ALOX5: variants seen among roughly 807,000 people sequenced by gnomAD.
ALOX5 encodes the protein arachidonate 5-lipoxygenase.
A neutral mutation model predicts 87.9 loss-of-function variants in ALOX5; 64 were observed. The ratio of observed to expected loss-of-function variants is 0.73; its 90% confidence interval spans 0.60 to 0.90. The LOEUF (loss-of-function observed/expected upper bound fraction) is 0.90. Among genes scored for constraint, ALOX5 ranks in the 40% least tolerant of loss-of-function variants. ALOX5 has a pLI of 0.00. For missense variants in ALOX5, 822 were observed against 907.5 expected (o/e 0.91, Z 1.21); for synonymous variants, 388 against 355.1 (o/e 1.09, Z -1.04).
At chr10:45,377,151 A>G (rs1839645343) in intron 1 of ALOX5, among the ~76,000 whole-genome samples, 1 of 152,196 alleles carries the variant, frequency 6.6e-6, no homozygotes, top group Non-Finnish European at 1.5e-5. Flanking sequence ...AGTGTAGAAA[A>G]GTGTTATAAT....
intron 3 of ALOX5, among the ~76,000 whole-genome samples, chr10:45,405,400 C>T (rs1353714324): frequency 2.6e-5 from 4 of 152,176 alleles, no homozygotes; most frequent in African/African-American, 4.8e-5. Context: ...AGTCTGCACT[C>T]CCCTGACCAC....
rs534871263 is a variant in ALOX5, at chr10:45,444,589, C to G, written c.1845+303C>G. 77 of 400,654 alleles carry G rather than the reference C, an allele frequency of 1.9e-4. No individual in the cohort carries two copies. The Middle Eastern group carries it at 3.2e-3, about 17-fold the overall frequency. The allele number at this position is 400,654 out of a possible 1,614,324, so 24.8% of individuals were successfully genotyped here. A position where few individuals can be genotyped will look rare whatever the true frequency, so the allele number is the denominator to read the frequency against. On this transcript the variant is annotated intron_variant, in intron 13 of 13. Coordinates refer to ENST00000374391, the MANE Select transcript of ALOX5 (RefSeq NM_000698.5). Reference sequence around the variant, plus strand: ...AAAGTTCTTGCACATGTGTTTTACCCTGGTACTCCAGAGGGAATGACCAAG... The same window carrying G: ...AAAGTTCTTGCACATGTGTTTTACCGTGGTACTCCAGAGGGAATGACCAAG...
intron 13 of ALOX5, 42 bp downstream of exon 13, chr10:45,444,328 G>A (rs1189792269): frequency 4.0e-6 from 6 of 1,514,362 alleles, no homozygotes; most frequent in Non-Finnish European, 5.3e-6. Context: ...GGTCACCCCA[G>A]GTTAAGCGGT....
intron 3 of ALOX5, among the ~76,000 whole-genome samples, chr10:45,407,821 G>T (rs1048099714): frequency 1.3e-5 from 2 of 152,100 alleles, no homozygotes; most frequent in Non-Finnish European, 2.9e-5. Flanking sequence ...GCATTGCCAT[G>T]GTGAAATTTT....
In ALOX5 at chr10:45,425,121, C is replaced by A; in HGVS notation, c.823C>A (p.Gln275Lys). The change falls in exon 6 of 14, where the codon CAG becomes AAG. Residue 275 changes from glutamine (Q) to lysine (K), a missense_variant. Gln to Lys is a moderately conservative substitution (Grantham distance 53). Transcript: ENST00000374391. This position sits in a 1 kb window ranked among gnomAD's most constrained non-coding sequence, Gnocchi z 4.4. ...CSLERQLSLE[Q>K]EVQQGNIFIV... ...CCTGGAGCGGCAGCTCAGCTTGGAG[C>A]AGGAGGTCCAGGTAGGGGTTGATGG... 1 of 1,613,584 alleles carries A rather than the reference C, an allele frequency of 6.2e-7. No individual in the cohort carries two copies. Among genetic ancestry groups the A allele is most frequent in the African/African-American group, 1.3e-5 (1 of 75,032 alleles).
At chr10:45,395,608 A>T (rs1324567862) in intron 2 of ALOX5, among the ~76,000 whole-genome samples, 6 of 15,402 alleles carry the variant, frequency 3.9e-4, no homozygotes, top group African/African-American at 5.8e-4. Context: ...AGTAGAATTA[A>T]AAAAAAAAAA....
At chr10:45,401,775 T>C (rs1355614547) in intron 3 of ALOX5, among the ~76,000 whole-genome samples, 2 of 152,184 alleles carry the variant, frequency 1.3e-5, no homozygotes, top group Non-Finnish European at 2.9e-5. Flanking sequence ...TGCCCAGATA[T>C]GAAATTACCA....
rs1286447028 is a variant in ALOX5, at chr10:45,425,444, G to A, written c.834+312G>A. Among the ~76,000 whole-genome samples, 1 of 152,184 alleles carries A rather than the reference G, an allele frequency of 6.6e-6. No homozygotes were observed. Among genetic ancestry groups the A allele is most frequent in the African/African-American group, 2.4e-5 (1 of 41,436 alleles). ...CTACCCTTGATTAGGGGCCTGTGGT[G>A]GGACAGGCATTGTGACAGGTGCTTT... On this transcript the variant is annotated intron_variant, in intron 6 of 13. Coordinates refer to ENST00000374391, the MANE Select transcript of ALOX5 (RefSeq NM_000698.5). The surrounding 1 kb of genome is among the most constrained non-coding windows in gnomAD (Gnocchi z 4.4).
chr10:45,403,364 A>G (rs1840768865), intron 3 of ALOX5, among the ~76,000 whole-genome samples: 1 of 152,232 alleles, frequency 6.6e-6, no homozygotes, highest in African/African-American at 2.4e-5. Context: ...TGGCCAATTC[A>G]TAACTTTGGA....
At chr10:45,422,828 G>A (rs986523375) in intron 4 of ALOX5, among the ~76,000 whole-genome samples, 5 of 152,160 alleles carry the variant, frequency 3.3e-5, no homozygotes, top group Non-Finnish European at 7.3e-5. Context: ...TCTCTCACAG[G>A]TCCGGAGGCT....
At chr10:45,394,508 G>A (rs1238938443) in intron 2 of ALOX5, among the ~76,000 whole-genome samples, 1 of 152,198 alleles carries the variant, frequency 6.6e-6, no homozygotes, top group Non-Finnish European at 1.5e-5. Flanking sequence ...AACCCTAGAG[G>A]AAAACCTAGG....
intron 1 of ALOX5, among the ~76,000 whole-genome samples, 168 bp downstream of exon 1, chr10:45,374,597 C>G (rs373253105): frequency 6.6e-6 from 1 of 152,130 alleles, no homozygotes; most frequent in African/African-American, 2.4e-5. Context: ...TGGGGCGTGC[C>G]CTGGGCTCCC....
chr10:45,396,386 G>A (rs71494779), intron 3 of ALOX5, among the ~76,000 whole-genome samples: 10,230 of 151,752 alleles, frequency 0.067, 469 homozygotes, highest in East Asian at 0.18. Context: ...GAATAAAAAA[G>A]GAAAAATGAG....
chr10:45,419,892 A>T (rs10900216), intron 4 of ALOX5, among the ~76,000 whole-genome samples: 1 of 151,948 alleles, frequency 6.6e-6, no homozygotes, highest in Non-Finnish European at 1.5e-5. Context: ...AAGGGTGAGG[A>T]CCCAGGCTGG....
intron 1 of ALOX5, among the ~76,000 whole-genome samples, chr10:45,377,124 C>T (rs114835563): frequency 0.027 from 4,164 of 152,230 alleles, 211 homozygotes; most frequent in African/African-American, 0.095. Flanking sequence ...ATATATGATA[C>T]TTGAATATGT....
chr10:45,443,898 C>A, intron 12 of ALOX5, 70 bp downstream of exon 12: 2 of 1,510,958 alleles, frequency 1.3e-6, no homozygotes, highest in Non-Finnish European at 1.8e-6. Context: ...CGCCCCGGTT[C>A]TGCACGCGTA....
At chr10:45,389,311 G>A (rs1840118631) in intron 2 of ALOX5, among the ~76,000 whole-genome samples, 1 of 152,108 alleles carries the variant, frequency 6.6e-6, no homozygotes, top group Non-Finnish European at 1.5e-5. Context: ...TAGCAAGGCA[G>A]GCCAACATTC....
intron 1 of ALOX5, among the ~76,000 whole-genome samples, chr10:45,376,260 C>T (rs968459582): frequency 7.4e-6 from 1 of 135,256 alleles, no homozygotes; most frequent in East Asian, 2.3e-4. Context: ...GCCGGAATCC[C>T]AGGGGCAAAT....
chr10:45,402,151 C>T (rs1241680299), intron 3 of ALOX5, among the ~76,000 whole-genome samples: 1 of 151,384 alleles, frequency 6.6e-6, no homozygotes, highest in Non-Finnish European at 1.5e-5. Context: ...CCTGTTTCAT[C>T]AAACACTTGC....
Sources: gnomAD v4.1 joint callset for allele counts (sites outside exome capture counted in the v4.1 genomes callset) on GRCh38, gnomAD v4.1.1 for gene constraint, Gnocchi (gnomAD v3.1) non-coding constraint, MANE v1.5 for transcripts, NCBI Gene and HGNC (gene_info 2026-07-23, HGNC 2026-07-21) for gene names.